NEK11: variants seen among roughly 807,000 people sequenced by gnomAD.
The protein encoded by NEK11 is NIMA related kinase 11.
A neutral mutation model predicts 80.7 loss-of-function variants in NEK11; 72 were observed. The observed-to-expected ratio is 0.89, with a 90% CI of 0.74 to 1.08. The LOEUF is 1.08. NEK11 is among the 50% of genes least tolerant of loss of function. NEK11 has a pLI of 0.00. For missense variants in NEK11, 764 were observed against 763.6 expected (o/e 1.00, Z -0.01); for synonymous variants, 251 against 260.7 (o/e 0.96, Z 0.36).
At chr3:131,057,160 A>G (rs1410947069) in intron 3 of NEK11, among the ~76,000 whole-genome samples, 3 of 150,836 alleles carry the variant, frequency 2.0e-5, no homozygotes, top group South Asian at 2.1e-4. Flanking sequence ...TCCTTGAGAT[A>G]GTTTGCTGAG....
At chr3:131,227,729 G>A (rs1171558273) in intron 14 of NEK11, among the ~76,000 whole-genome samples, 3 of 152,014 alleles carry the variant, frequency 2.0e-5, no homozygotes, top group Non-Finnish European at 4.4e-5. Context: ...GTAGTTGTTT[G>A]GGTAGTTCTT....
At chr3:131,325,504 G>GTTTTATT (rs1364965146) in intron 17 of NEK11, 3 of 152,010 alleles carry the variant, frequency 2.0e-5, no homozygotes, top group Middle Eastern at 3.2e-3. Context: ...ATTTGCTAAT[G>GTTTTATT]TTTTATTTCT....
chr3:131,126,285 C>G (rs562329525), intron 5 of NEK11, among the ~76,000 whole-genome samples: 1 of 152,330 alleles, frequency 6.6e-6, no homozygotes, highest in South Asian at 2.1e-4. Flanking sequence ...TTCACCACTT[C>G]TTCTTCCACC....
chr3:131,232,979 G>GGGAAGGAAGGAAGGAAGGAA (rs55987547), intron 15 of NEK11, among the ~76,000 whole-genome samples: 2 of 132,650 alleles, frequency 1.5e-5, no homozygotes, highest in African/African-American at 2.9e-5. Context: ...TATATTTGAG[G>GGGAAGGAAGGAAGGAAGGAA]GGAAGGAAGG....
intron 14 of NEK11, among the ~76,000 whole-genome samples, chr3:131,219,306 C>G (rs911027549): frequency 2.6e-5 from 4 of 151,998 alleles, no homozygotes; most frequent in Admixed American, 2.6e-4. Context: ...GAAAACCAAA[C>G]ACTGCATGTT....
intron 14 of NEK11, among the ~76,000 whole-genome samples, chr3:131,214,732 A>T (rs1446384186): frequency 1.5e-5 from 2 of 132,880 alleles, no homozygotes; most frequent in Non-Finnish European, 3.3e-5. Context: ...TGTAGCAGGG[A>T]GTGGAGAGCT....
chr3:131,190,038 G>A (rs531109265), intron 14 of NEK11, among the ~76,000 whole-genome samples: 1 of 152,078 alleles, frequency 6.6e-6, no homozygotes, highest in Non-Finnish European at 1.5e-5. Flanking sequence ...CCTTGTGATT[G>A]TATTTAACTT....
intron 3 of NEK11, among the ~76,000 whole-genome samples, chr3:131,035,470 C>T (rs969724796): frequency 6.6e-5 from 10 of 152,188 alleles, no homozygotes; most frequent in African/African-American, 2.4e-4. Context: ...AGCCCTGTTC[C>T]AAAGTACTGT....
intron 3 of NEK11, among the ~76,000 whole-genome samples, chr3:131,054,790 AAATG>A (rs55655902): frequency 0.062 from 8,422 of 136,476 alleles, 382 homozygotes; most frequent in Middle Eastern, 0.11. Flanking sequence ...ATAAATAAAT[AAATG>A]AATGAATGTA....
chr3:131,115,987 T>TTTCTTTCTTTCTTTCTTTCTTTCC (rs2081149433), intron 5 of NEK11, among the ~76,000 whole-genome samples: 1 of 144,538 alleles, frequency 6.9e-6, no homozygotes, highest in African/African-American at 2.6e-5. Context: ...TCTTTCTTTC[T>TTTCTTTCTTTCTTTCTTTCTTTCC]TTATTATACT....
chr3:131,101,519 T>A (rs2078360410), intron 4 of NEK11, among the ~76,000 whole-genome samples: 1 of 152,238 alleles, frequency 6.6e-6, no homozygotes. Flanking sequence ...TTGTTTAATT[T>A]CCATGTAACT....
intron 15 of NEK11, among the ~76,000 whole-genome samples, chr3:131,233,393 C>A (rs1261421992): frequency 2.6e-5 from 4 of 152,132 alleles, no homozygotes; most frequent in Non-Finnish European, 4.4e-5. Context: ...GCAGCAGGGT[C>A]TATCTTGAAG....
At chr3:131,086,620 C>T (rs2076009908) in intron 4 of NEK11, among the ~76,000 whole-genome samples, 1 of 152,040 alleles carries the variant, frequency 6.6e-6, no homozygotes, top group Non-Finnish European at 1.5e-5. Flanking sequence ...TAAATTCTTG[C>T]TTATTAATTC....
intron 3 of NEK11, among the ~76,000 whole-genome samples, chr3:131,066,219 G>A (rs894479690): frequency 4.6e-5 from 7 of 152,128 alleles, no homozygotes; most frequent in African/African-American, 1.7e-4. Flanking sequence ...CCTGCTGGCC[G>A]CTGCTTTATA....
intron 5 of NEK11, among the ~76,000 whole-genome samples, chr3:131,118,191 T>C (rs1381503839): frequency 6.6e-6 from 1 of 152,212 alleles, no homozygotes. Flanking sequence ...GAAGGGCTGT[T>C]GAAGTTTGTC....
At chr3:131,133,147 A>G in intron 6 of NEK11, 1 of 406,502 alleles carries the variant, frequency 2.5e-6, no homozygotes, top group South Asian at 1.9e-5. Context: ...TACTGGTTTG[A>G]TTAGTTACTA....
intron 3 of NEK11, among the ~76,000 whole-genome samples, chr3:131,069,006 T>A (rs1263306121): frequency 6.6e-6 from 1 of 152,206 alleles, no homozygotes; most frequent in Non-Finnish European, 1.5e-5. Flanking sequence ...CTTGCCATGA[T>A]GATGAAATAG....
At chr3:131,348,756 C>T (rs1171260919) in intron 17 of NEK11, among the ~76,000 whole-genome samples, 3 of 151,374 alleles carry the variant, frequency 2.0e-5, no homozygotes, top group South Asian at 2.1e-4. Context: ...AAATGAATGT[C>T]GGCCTTGGTG....
intron 17 of NEK11, among the ~76,000 whole-genome samples, chr3:131,313,890 A>G (rs550034076): frequency 6.6e-6 from 1 of 152,346 alleles, no homozygotes; most frequent in Non-Finnish European, 1.5e-5. Flanking sequence ...TCCTAACAAT[A>G]AATGAATTGG....
Sources: allele counts gnomAD v4.1 joint callset (sites outside exome capture counted in the v4.1 genomes callset), GRCh38; gene constraint gnomAD v4.1.1; transcripts MANE v1.5; gene names NCBI Gene and HGNC (gene_info 2026-07-23, HGNC 2026-07-21).